Variants in SEL1L2 observed in about 807,000 individuals in gnomAD.
The protein encoded by SEL1L2 is protein sel-1 homolog 2.
Under a neutral mutation model 98.8 loss-of-function variants are expected in SEL1L2, and 89 were observed. That is an observed-to-expected ratio of 0.90 (90% CI 0.76 to 1.07). The LOEUF (loss-of-function observed/expected upper bound fraction) is 1.07. SEL1L2 is among the 50% of genes least tolerant of loss of function. SEL1L2 has a pLI of 0.00. For missense variants in SEL1L2, 788 were observed against 812.0 expected (o/e 0.97, Z 0.36); for synonymous variants, 262 against 278.5 (o/e 0.94, Z 0.59).
At chr20:13,899,731 C>G (rs1367323892) in intron 5 of SEL1L2, among the ~76,000 whole-genome samples, 1 of 152,078 alleles carries the variant, frequency 6.6e-6, no homozygotes, top group Non-Finnish European at 1.5e-5. Flanking sequence ...GGAGAGGACA[C>G]AAACACTCAA....
chr20:13,876,752 T>C (rs1020916886), intron 11 of SEL1L2, among the ~76,000 whole-genome samples: 4 of 152,128 alleles, frequency 2.6e-5, no homozygotes, highest in African/African-American at 7.2e-5. Flanking sequence ...CTCTTACATA[T>C]TGGGGAGTGG....
intron 5 of SEL1L2, among the ~76,000 whole-genome samples, chr20:13,889,090 G>A (rs1020282826): frequency 1.7e-4 from 25 of 151,490 alleles, no homozygotes; most frequent in African/African-American, 6.1e-4. Context: ...TGCCCAAGTA[G>A]CTGGAATTAC....
At chr20:13,864,071 C>T (rs1275449129) in intron 17 of SEL1L2, among the ~76,000 whole-genome samples, 1 of 152,078 alleles carries the variant, frequency 6.6e-6, no homozygotes, top group African/African-American at 2.4e-5. Context: ...ATTTCCACAC[C>T]ATTTCCTGGC....
chr20:13,904,926 T>C lies in SEL1L2; in HGVS notation c.549+8856A>G, dbSNP rs113094225. On this transcript the variant is annotated intron_variant, in intron 5 of 19. Transcript: ENST00000284951. ...AACTTTCACCAACAGTGGATCCTTT[T>C]GTGCGGTGCCTGGCAAACTATTTGG... Among the ~76,000 whole-genome samples, 17 of 152,330 alleles carry C rather than the reference T, an allele frequency of 1.1e-4. 2 individuals carry two copies. The highest frequency in any genetic ancestry group is 4.1e-4 in the African/African-American group (17 of 41,580).
intron 5 of SEL1L2, among the ~76,000 whole-genome samples, chr20:13,901,436 G>T (rs2047676617): frequency 6.6e-6 from 1 of 152,058 alleles, no homozygotes; most frequent in African/African-American, 2.4e-5. Context: ...GCCCTATTCT[G>T]TAACTTTTAC....
At chr20:13,885,469 G>T in intron 9 of SEL1L2, 66 bp from the exon 10 acceptor site, 1 of 1,063,130 alleles carries the variant, frequency 9.4e-7, no homozygotes, top group Non-Finnish European at 1.5e-6. Flanking sequence ...AAACATTTAT[G>T]TGGTGATTTT....
At chr20:13,885,658 C>G (rs1196779742) in intron 9 of SEL1L2, among the ~76,000 whole-genome samples, 2 of 152,142 alleles carry the variant, frequency 1.3e-5, no homozygotes, top group Non-Finnish European at 2.9e-5. Context: ...GGGGCCTTAG[C>G]TCTTGGCTCT....
At chr20:13,909,699 G>C (rs1285457818) in intron 5 of SEL1L2, among the ~76,000 whole-genome samples, 1 of 152,086 alleles carries the variant, frequency 6.6e-6, no homozygotes, top group African/African-American at 2.4e-5. Flanking sequence ...ATAAACAGAG[G>C]CTGGGTGTGG....
intron 2 of SEL1L2, among the ~76,000 whole-genome samples, chr20:13,933,826 T>A (rs1311219005): frequency 1.3e-5 from 2 of 152,180 alleles, no homozygotes; most frequent in African/African-American, 2.4e-5. Context: ...GCTTTCTTGG[T>A]TTGCTTTGCT....
chr20:13,905,992 G>A (rs949143311), intron 5 of SEL1L2, among the ~76,000 whole-genome samples: 4 of 150,144 alleles, frequency 2.7e-5, no homozygotes, highest in Non-Finnish European at 3.0e-5. Context: ...CTCCTGCCTC[G>A]GCCTTCCAAG....
At chr20:13,957,083 T>A (rs1356188124) in intron 1 of SEL1L2, among the ~76,000 whole-genome samples, 2 of 152,080 alleles carry the variant, frequency 1.3e-5, no homozygotes, top group African/African-American at 4.8e-5. Context: ...ACATAGTATT[T>A]ATTAATTAAT....
At chr20:13,914,853 G>A (rs1355620021) in intron 4 of SEL1L2, among the ~76,000 whole-genome samples, 1 of 152,138 alleles carries the variant, frequency 6.6e-6, no homozygotes, top group Non-Finnish European at 1.5e-5. Context: ...AGGTGCCACA[G>A]GATTACCTTA....
At chr20:13,896,476 A>G (rs1191427702) in intron 5 of SEL1L2, among the ~76,000 whole-genome samples, 3 of 152,038 alleles carry the variant, frequency 2.0e-5, no homozygotes, top group African/African-American at 7.2e-5. Flanking sequence ...TCTCAAAACA[A>G]AAACAAAAAC....
In SEL1L2 at chr20:13,919,040, T is replaced by A. The variant is rs1282493442; in HGVS notation, c.367A>T (p.Ser123Cys). The A allele has an allele frequency of 6.2e-7, 1 of 1,612,562 alleles. No individual in the cohort carries two copies. Among genetic ancestry groups the A allele is most frequent in the South Asian group, 1.1e-5 (1 of 90,772 alleles). ...ACTTACTCTTCTTTTTGTTTTTGGC[T>A]TTTAGACTGCTGGAGAACCTTGATG... ...MGIKVLQQSK[S>C]QKQKEEAYLL... The change falls in exon 4 of 20, where the codon AGC becomes TGC. Residue 123 changes from serine to cysteine, a missense_variant. Transcript: ENST00000284951.
Position 13,935,127 on chromosome 20 carries a change from T to C in SEL1L2, c.115-3356A>G, listed in dbSNP as rs575356981. Among the ~76,000 whole-genome samples the C allele has an allele frequency of 2.0e-5, 3 of 152,334 alleles. No homozygotes were observed. In the East Asian group the frequency reaches 5.8e-4, roughly 29 times the overall value. Reference sequence around the variant, plus strand: ...TTACAGAGGTCAGTGTTTCTTGACTTTGGGTTTCTCTCTCATCCTGAACAA... The same window carrying C: ...TTACAGAGGTCAGTGTTTCTTGACTCTGGGTTTCTCTCTCATCCTGAACAA... On this transcript the variant is annotated intron_variant, in intron 2 of 19. Coordinates refer to ENST00000284951, the MANE Select transcript of SEL1L2 (RefSeq NM_025229.2).
rs201653130 is a variant in SEL1L2, at chr20:13,886,300, A to G, written c.888T>C (p.Asp296=). Residue 296 remains aspartate (D), a synonymous_variant, in exon 9 of 20, where the codon GAT becomes GAC. Transcript: ENST00000284951. ...CTGTATACATTACTTGTATCTGAAC[A>G]TCTCCTCTTTCTGCCAAAAATTTAT... ...QYYKFLAERG[D]VQIQVSLGQL... The G allele has an allele frequency of 3.8e-5, 61 of 1,608,780 alleles. No homozygotes were observed. The East Asian group carries it at 1.3e-3, about 35-fold the overall frequency.
At chr20:13,943,930 G>C (rs535430791) in intron 2 of SEL1L2, among the ~76,000 whole-genome samples, 1 of 152,246 alleles carries the variant, frequency 6.6e-6, no homozygotes, top group Admixed American at 6.5e-5. Context: ...TGGTTAAAAG[G>C]CATCATCCTG....
intron 4 of SEL1L2, among the ~76,000 whole-genome samples, chr20:13,917,764 T>C (rs2048466641): frequency 6.9e-6 from 1 of 145,734 alleles, no homozygotes; most frequent in South Asian, 2.3e-4. Flanking sequence ...TCAGGGCCCA[T>C]ACTTTCTTTA....
At chr20:13,886,538 A>G in intron 8 of SEL1L2, 96 bp from the exon 9 acceptor site, 1 of 1,042,758 alleles carries the variant, frequency 9.6e-7, no homozygotes, top group South Asian at 1.6e-5. Context: ...ATTATCTTAA[A>G]TTGTGCAGAA....
Sources: gnomAD v4.1 joint callset for allele counts (sites outside exome capture counted in the v4.1 genomes callset) on GRCh38, gnomAD v4.1.1 for gene constraint, MANE v1.5 for transcripts, NCBI Gene and HGNC (gene_info 2026-07-23, HGNC 2026-07-21) for gene names.